Variants in SLCO4A1 observed in about 807,000 individuals in gnomAD.
SLCO4A1 encodes solute carrier organic anion transporter family member 4A1.
SLCO4A1 carries 51 observed loss-of-function variants against 64.6 expected under a neutral mutation model. That is an observed-to-expected ratio of 0.79 (90% CI 0.63 to 1.00). The LOEUF is 1.00. SLCO4A1 is among the 50% of genes least tolerant of loss of function. The pLI, the probability that SLCO4A1 is intolerant of heterozygous loss-of-function variation, is 0.00. For missense variants in SLCO4A1, 919 were observed against 980.5 expected, an observed-to-expected ratio of 0.94 and a Z score of 0.84; for synonymous variants, 471 against 444.9, an observed-to-expected ratio of 1.06 and a Z score of -0.74.
In SLCO4A1 at chr20:62,658,810, C is replaced by T. The variant is rs767264839; in HGVS notation, c.887+43C>T. ...CAGCTGCCTGCGCTGGAGAGGCCCA[C>T]GTGTCTCTGGAAGGGGGTTCAGAGT... On this transcript the variant is annotated intron_variant, in intron 3 of 11. Coordinates refer to ENST00000217159, the MANE Select transcript of SLCO4A1 (RefSeq NM_016354.4). The T allele has an allele frequency of 7.4e-6, 11 of 1,495,152 alleles. No homozygotes were observed. In the East Asian group the frequency reaches 1.7e-4, roughly 23 times the overall value. The allele number at this position is 1,495,152 out of a possible 1,614,324, so 92.6% of individuals were successfully genotyped here. A position where few individuals can be genotyped will look rare whatever the true frequency, so the allele number is the denominator to read the frequency against.
chr20:62,660,333 C>A (rs1443451588), intron 3 of SLCO4A1, 79 bp from the exon 4 acceptor site: 2 of 1,532,030 alleles, frequency 1.3e-6, no homozygotes, highest in Non-Finnish European at 8.8e-7. Flanking sequence ...GGAGGAGGGG[C>A]CAGCAGCCCC....
In SLCO4A1 at chr20:62,669,071, T is replaced by G. The variant is rs752725926; in HGVS notation, c.2018T>G (p.Leu673Arg). Reference sequence around the variant, plus strand: ...CGCTACATACTCATCATGGGGCTCCTGTACAAGGTAAGCAGGCCCAGGGAG... The same window carrying G: ...CGCTACATACTCATCATGGGGCTCCGGTACAAGGTAAGCAGGCCCAGGGAG... ...MSRYILIMGL[L>R]YKVLGVLFFA... The change falls in exon 11 of 12, where the codon CTG becomes CGG. Residue 673 changes from leucine to arginine, a missense_variant. By Grantham distance (102) the Leu-to-Arg change is moderately radical (BLOSUM62 -2). Coordinates refer to ENST00000217159, the MANE Select transcript of SLCO4A1 (RefSeq NM_016354.4). 3.1e-6 allele frequency: 5 copies of G among 1,610,050 alleles called. No individual in the cohort carries two copies. The highest frequency in any genetic ancestry group is 4.2e-6 in the Non-Finnish European group (5 of 1,179,882).
rs199840056 is a variant in SLCO4A1, at chr20:62,667,923, G to T, written c.1638+13G>T. The stretch of plus-strand genomic sequence containing the variant: ...GGACGGCCAGAAGGTGAGTGGAGCC[G>T]CTGCCTACCGCCCCTGTCCTCCCCT... On this transcript the variant is annotated intron_variant, in intron 8 of 11. Transcript: ENST00000217159. The T allele has an allele frequency of 1.9e-6, 3 of 1,613,930 alleles. No homozygotes were observed. The highest frequency in any genetic ancestry group is 1.7e-6 in the Non-Finnish European group (2 of 1,180,018).
intron 3 of SLCO4A1, among the ~76,000 whole-genome samples, chr20:62,659,793 C>T (rs1262768106): frequency 1.3e-5 from 2 of 152,238 alleles, no homozygotes; most frequent in Non-Finnish European, 2.9e-5. Flanking sequence ...CTTTTGCCCT[C>T]CCGCCGCTGC....
intron 7 of SLCO4A1, among the ~76,000 whole-genome samples, chr20:62,667,023 A>C (rs1986473928): frequency 6.6e-6 from 1 of 151,838 alleles, no homozygotes; most frequent in Non-Finnish European, 1.5e-5. Context: ...GGTAGCCTGC[A>C]CCTCGGCCCT....
At chr20:62,677,992 A>G (rs1046664464) in intron 2 of SLCO4A1, among the ~76,000 whole-genome samples, 2 of 152,238 alleles carry the variant, frequency 1.3e-5, no homozygotes, top group Non-Finnish European at 2.9e-5. Flanking sequence ...GAAAGAAGTA[A>G]GGATGCTGTT....
chr20:62,664,907 C>G, intron 5 of SLCO4A1, 27 bp from the exon 6 acceptor site: 1 of 1,566,748 alleles, frequency 6.4e-7, no homozygotes, highest in Non-Finnish European at 8.6e-7. Context: ...CCCTCAGTCT[C>G]TTCTCCACAC....
rs373228920 is a variant in SLCO4A1 at position 62,656,736 on chromosome 20, G to A, written c.282G>A (p.Pro94=). ...GCGGCTGGTGGGCCTTCGCACCGCC[G>A]TGCCTGCAGGTCCTCAACACGCCCA... ...VACGWWAFAP[P]CLQVLNTPKG... Residue 94 remains proline, a synonymous_variant, in exon 2 of 12, where the codon CCG becomes CCA. Transcript: ENST00000217159. 29 of 1,611,764 alleles carry A rather than the reference G, an allele frequency of 1.8e-5. No homozygotes were observed. Among genetic ancestry groups the A allele is most frequent in the African/African-American group, 2.7e-5 (2 of 74,914 alleles).
chr20:62,687,343 A>G (rs1253687983), downstream of SLCO4A1, among the ~76,000 whole-genome samples: 2 of 152,002 alleles, frequency 1.3e-5, no homozygotes, highest in Non-Finnish European at 2.9e-5. Flanking sequence ...GGGCGTCTAC[A>G]CTGAAGGCCA....
intron 7 of SLCO4A1, 119 bp from the exon 8 acceptor site, chr20:62,667,626 A>C: frequency 8.0e-7 from 1 of 1,251,896 alleles, no homozygotes; most frequent in Non-Finnish European, 1.1e-6. Flanking sequence ...AAGCTTGGCA[A>C]GTTTGTAGAC....
In SLCO4A1 at chr20:62,644,633, T is replaced by A. The variant is rs1980994318; in HGVS notation, c.-97+2080T>A. Among the ~76,000 whole-genome samples, 2 of 152,316 alleles carry A rather than the reference T, an allele frequency of 1.3e-5. No homozygotes were observed. Among genetic ancestry groups the A allele is most frequent in the Middle Eastern group, 3.4e-3 (1 of 294 alleles). On this transcript the variant is annotated intron_variant, in intron 1 of 11. Coordinates refer to ENST00000217159, the MANE Select transcript of SLCO4A1 (RefSeq NM_016354.4). This position sits in a 1 kb window ranked among gnomAD's most constrained non-coding sequence, Gnocchi z 5.4. ...TCGGTCTGACTTCCAAATGGCAAAA[T>A]TTTTCTCAGCCCATTGTAGAATGAA...
chr20:62,684,799 C>A (rs942229813), intron 2 of SLCO4A1, among the ~76,000 whole-genome samples: 4 of 152,186 alleles, frequency 2.6e-5, no homozygotes, highest in Non-Finnish European at 4.4e-5. Context: ...CCCCAGCAAT[C>A]CCCACACCTG....
At chr20:62,657,735 A>G (rs1196476055) in intron 2 of SLCO4A1, among the ~76,000 whole-genome samples, 2 of 152,238 alleles carry the variant, frequency 1.3e-5, no homozygotes, top group African/African-American at 2.4e-5. Context: ...AGGTGGAGGG[A>G]CAGAGCCCTG....
At chr20:62,660,596 G>T (rs1984596265) in intron 4 of SLCO4A1, 63 bp downstream of exon 4, 1 of 1,561,340 alleles carries the variant, frequency 6.4e-7, no homozygotes, top group Non-Finnish European at 8.7e-7. Flanking sequence ...CTTCGCGAAG[G>T]GGGCACCCCG....
chr20:62,690,667 G>A (rs1027267398), downstream of SLCO4A1, among the ~76,000 whole-genome samples: 1 of 152,208 alleles, frequency 6.6e-6, no homozygotes, highest in Non-Finnish European at 1.5e-5. Flanking sequence ...CTTCCAATTC[G>A]GGGCCTGACA....
chr20:62,658,119 G>A (rs6062738), intron 2 of SLCO4A1, among the ~76,000 whole-genome samples: 76,266 of 152,182 alleles, frequency 0.5, 21,396 homozygotes, highest in East Asian at 0.82. Flanking sequence ...GGATGGTCAC[G>A]GGGAGCAGCT....
chr20:62,682,649 C>CCA (rs10552847), intron 2 of SLCO4A1, among the ~76,000 whole-genome samples: 23,446 of 150,706 alleles, frequency 0.16, 1,953 homozygotes, highest in Non-Finnish European at 0.19. Context: ...GACCATGTGA[C>CCA]CACACACACA....
chr20:62,656,082 C>G (rs1275787743), intron 1 of SLCO4A1, among the ~76,000 whole-genome samples: 1 of 152,258 alleles, frequency 6.6e-6, no homozygotes, highest in African/African-American at 2.4e-5. Flanking sequence ...GCTGAAGCGG[C>G]AGCTTCTCCT....
chr20:62,642,924 TG>T, intron 1 of SLCO4A1: 1 of 451,476 alleles, frequency 2.2e-6, no homozygotes, highest in South Asian at 1.6e-5. Flanking sequence ...CCTGGGCAGG[TG>T]GCCCGGAGCG....
Sources: gnomAD v4.1 joint callset for allele counts (sites outside exome capture counted in the v4.1 genomes callset) on GRCh38, gnomAD v4.1.1 for gene constraint, Gnocchi (gnomAD v3.1) non-coding constraint, MANE v1.5 for transcripts, NCBI Gene and HGNC (gene_info 2026-07-23, HGNC 2026-07-21) for gene names.